The following RGS7 variants were observed in gnomAD, a reference collection of about 807,000 sequenced individuals.
RGS7 encodes regulator of G protein signaling 7.
In RGS7, 27 loss-of-function variants were observed where a neutral mutation model predicts 81.1. The observed-to-expected ratio is 0.33, with a 90% CI of 0.25 to 0.46. The LOEUF (loss-of-function observed/expected upper bound fraction) is 0.46, where lower values mean the gene tolerates loss of function less well. Among genes scored for constraint, RGS7 ranks in the 20% least tolerant of loss-of-function variants. RGS7 has a pLI of 1.00. For synonymous variants in RGS7, 208 were observed against 207.7 expected, an observed-to-expected ratio of 1.00 and a Z score of -0.01; for missense variants, 396 against 607.4, an observed-to-expected ratio of 0.65 and a Z score of 3.66.
At chr1:241,173,317 CT>C (rs1178923784) in intron 2 of RGS7, among the ~76,000 whole-genome samples, 3 of 152,126 alleles carry the variant, frequency 2.0e-5, no homozygotes, top group Non-Finnish European at 4.4e-5. Context: ...ATAAAGATGG[CT>C]TGCCTGTCTT....
chr1:241,242,522 T>C (rs2076315349), intron 2 of RGS7, among the ~76,000 whole-genome samples: 1 of 152,224 alleles, frequency 6.6e-6, no homozygotes, highest in South Asian at 2.1e-4. Flanking sequence ...TCAATGGTAG[T>C]TCTACTTTTA....
Position 240,998,469 on chromosome 1 carries a change from T to A in RGS7, c.176-15340A>T, listed in dbSNP as rs1168574249. 4 of 976,622 alleles carry A rather than the reference T, an allele frequency of 4.1e-6. No individual in the cohort carries two copies. The Admixed American group carries it at 7.6e-5, about 18-fold the overall frequency. The allele number at this position is 976,622 out of a possible 1,614,324, so 60.5% of individuals were successfully genotyped here. On this transcript the variant is annotated intron_variant, in intron 3 of 18. Transcript: ENST00000440928. ...GTTTCGTCAAAAAGACCAAAGCCCATGTCACCATCAGACTTCTCGGATTCT... is the reference window on the plus strand; with the variant it reads ...GTTTCGTCAAAAAGACCAAAGCCCAAGTCACCATCAGACTTCTCGGATTCT...
chr1:241,337,167 A>G (rs530021566), intron 2 of RGS7, among the ~76,000 whole-genome samples: 2 of 152,158 alleles, frequency 1.3e-5, no homozygotes, highest in Non-Finnish European at 2.9e-5. Flanking sequence ...AAAATCAAAC[A>G]AAATAAAATT....
intron 3 of RGS7, among the ~76,000 whole-genome samples, chr1:241,043,357 G>C (rs1247471697): frequency 6.6e-6 from 1 of 151,706 alleles, no homozygotes; most frequent in Non-Finnish European, 1.5e-5. Flanking sequence ...AAAAAGTCTG[G>C]ATCCAGGCTA....
At chr1:241,196,088 A>C (rs908404664) in intron 2 of RGS7, among the ~76,000 whole-genome samples, 1 of 151,602 alleles carries the variant, frequency 6.6e-6, no homozygotes, top group African/African-American at 2.4e-5. Flanking sequence ...AATCTTAAAA[A>C]AAGAAAGAGA....
intron 2 of RGS7, among the ~76,000 whole-genome samples, chr1:241,308,493 G>C (rs979553947): frequency 6.6e-6 from 1 of 152,222 alleles, no homozygotes; most frequent in Non-Finnish European, 1.5e-5. Context: ...CAGAGAACCA[G>C]AGCAAACAGT....
chr1:241,250,557 G>A (rs969331067), intron 2 of RGS7, among the ~76,000 whole-genome samples: 20 of 151,990 alleles, frequency 1.3e-4, no homozygotes, highest in African/African-American at 4.8e-4. Flanking sequence ...AAGAATACCA[G>A]GGAAAATAGC....
At chr1:240,784,658 A>AT (rs11451897) in intron 18 of RGS7, among the ~76,000 whole-genome samples, 23,724 of 141,052 alleles carry the variant, frequency 0.17, 2,483 homozygotes, top group African/African-American at 0.31. Flanking sequence ...AAAAAAAAAG[A>AT]TTTTTTTTTT....
chr1:241,350,464 G>A (rs1047688187), intron 2 of RGS7, among the ~76,000 whole-genome samples: 3 of 152,096 alleles, frequency 2.0e-5, no homozygotes, highest in African/African-American at 7.2e-5. Context: ...AGAAATCTGA[G>A]GGCTTAAAAG....
chr1:241,326,295 C>A (rs1347277926), intron 2 of RGS7, among the ~76,000 whole-genome samples: 2 of 152,188 alleles, frequency 1.3e-5, no homozygotes, highest in Non-Finnish European at 2.9e-5. Flanking sequence ...GTTAACCTGG[C>A]TTCCTCTCAA....
chr1:241,211,058 A>T (rs1041213584), intron 2 of RGS7, among the ~76,000 whole-genome samples: 1 of 152,062 alleles, frequency 6.6e-6, no homozygotes, highest in Non-Finnish European at 1.5e-5. Context: ...GACGAGAAGG[A>T]TGGATCACCT....
At chr1:240,873,077 TA>T (rs11402892) in intron 6 of RGS7, among the ~76,000 whole-genome samples, 1 of 150,346 alleles carries the variant, frequency 6.7e-6, no homozygotes, top group African/African-American at 2.4e-5. Flanking sequence ...AGACTCCGTC[TA>T]AAAAAAAACA....
chr1:241,114,393 T>C (rs947064563), intron 2 of RGS7, among the ~76,000 whole-genome samples: 16 of 152,148 alleles, frequency 1.1e-4, no homozygotes, highest in African/African-American at 3.9e-4. Context: ...CTTTGAGTCT[T>C]TGCCAGACAC....
intron 2 of RGS7, among the ~76,000 whole-genome samples, chr1:241,158,254 C>T (rs1298525544): frequency 6.6e-6 from 1 of 152,162 alleles, no homozygotes; most frequent in Non-Finnish European, 1.5e-5. Flanking sequence ...CTATCTGGCC[C>T]TTTGCAGAAA....
At chr1:241,094,615 A>AAAACC (rs369144420) in intron 3 of RGS7, among the ~76,000 whole-genome samples, 36,060 of 143,440 alleles carry the variant, frequency 0.25, 4,604 homozygotes, top group African/African-American at 0.37. Context: ...AAACCAAAAC[A>AAAACC]AAAACAAAAA....
chr1:241,303,248 G>A (rs2079882066), intron 2 of RGS7, among the ~76,000 whole-genome samples: 1 of 152,124 alleles, frequency 6.6e-6, no homozygotes, highest in Non-Finnish European at 1.5e-5. Flanking sequence ...TTGTGATAAT[G>A]AGTGAGTCCC....
At chr1:241,155,200 A>G (rs1412401266) in intron 2 of RGS7, among the ~76,000 whole-genome samples, 6 of 152,156 alleles carry the variant, frequency 3.9e-5, no homozygotes, top group Admixed American at 3.3e-4. Flanking sequence ...CTCCCAGTCC[A>G]AGCAATTCTC....
chr1:240,824,019 C>T (rs936389295), intron 10 of RGS7, among the ~76,000 whole-genome samples: 1 of 152,052 alleles, frequency 6.6e-6, no homozygotes, highest in Non-Finnish European at 1.5e-5. Context: ...TACATTTTTA[C>T]CTATTTCCTT....
intron 2 of RGS7, among the ~76,000 whole-genome samples, chr1:241,121,242 C>T (rs2066235551): frequency 6.6e-6 from 1 of 152,162 alleles, no homozygotes; most frequent in African/African-American, 2.4e-5. Context: ...TTTTACTTTT[C>T]TAACTTGCTC....
Sources: gnomAD v4.1 joint callset for allele counts (sites outside exome capture counted in the v4.1 genomes callset) on GRCh38, gnomAD v4.1.1 for gene constraint, MANE v1.5 for transcripts, NCBI Gene and HGNC (gene_info 2026-07-23, HGNC 2026-07-21) for gene names.